UBE4A: variants seen among roughly 807,000 people sequenced by gnomAD.
The protein encoded by UBE4A is ubiquitination factor E4A.
Under a neutral mutation model 117.9 loss-of-function variants are expected in UBE4A, and 48 were observed. The ratio of observed to expected loss-of-function variants is 0.41; its 90% confidence interval spans 0.32 to 0.52. The LOEUF (loss-of-function observed/expected upper bound fraction) is 0.52, where lower values mean the gene tolerates loss of function less well. Among genes scored for constraint, UBE4A ranks in the 20% least tolerant of loss-of-function variants. UBE4A has a pLI of 0.33. For missense variants in UBE4A, 1,067 were observed against 1,296.3 expected (o/e 0.82, Z 2.72); for synonymous variants, 407 against 450.0 (o/e 0.90, Z 1.21).
chr11:118,372,247 T>A (rs1948615644), intron 5 of UBE4A, among the ~76,000 whole-genome samples: 1 of 152,154 alleles, frequency 6.6e-6, no homozygotes, highest in African/African-American at 2.4e-5. Flanking sequence ...AGAGCGAGAC[T>A]CTGTCTCAAA....
chr11:118,368,513 G>T, intron 2 of UBE4A, 118 bp from the exon 3 acceptor site: 1 of 1,179,374 alleles, frequency 8.5e-7, no homozygotes, highest in South Asian at 1.5e-5. Context: ...CTAATTAGAT[G>T]ATTAGCTTGT....
chr11:118,366,688 G>A (rs1354838619), intron 2 of UBE4A, among the ~76,000 whole-genome samples: 1 of 152,220 alleles, frequency 6.6e-6, no homozygotes, highest in Admixed American at 6.5e-5. Flanking sequence ...TGGACTTTCA[G>A]ACTAGCCATT....
intron 18 of UBE4A, among the ~76,000 whole-genome samples, chr11:118,391,366 G>A (rs896085105): frequency 6.6e-6 from 1 of 151,774 alleles, no homozygotes; most frequent in African/African-American, 2.4e-5. Flanking sequence ...GCAGGCGCCT[G>A]TAATCCCAGC....
Position 118,373,210 on chromosome 11 carries a change from T to C in UBE4A, c.846T>C (p.Asp282=). The C allele has an allele frequency of 6.2e-7, 1 of 1,613,960 alleles. No individual in the cohort carries two copies. The highest frequency in any genetic ancestry group is 8.5e-7 in the Non-Finnish European group (1 of 1,180,024). ...ATATTTTATTGGGCCGAATAAAAGA[T>C]CTAGAGCTCTGTCAGATCCTTTTGT... is the stretch of plus-strand genomic sequence containing the variant. ...VFDILLGRIK[D]LELCQILLYA... The change falls in exon 7 of 20, where the codon GAT becomes GAC. Residue 282 remains aspartate (D), a synonymous_variant. Transcript: ENST00000252108.
chr11:118,389,716 C>CT lies in UBE4A; in HGVS notation c.2588-5dup. On this transcript the variant is annotated splice_polypyrimidine_tract_variant and intron_variant, in intron 16 of 19. Transcript: ENST00000252108. Reference sequence around the variant, plus strand: ...ATTGAGTTTTCAGAGACTTTGGATTCTTTTCCAGAGATCAAGTCACTCTTT... The same window carrying CT: ...ATTGAGTTTTCAGAGACTTTGGATTCTTTTTCCAGAGATCAAGTCACTCTTT... The CT allele has an allele frequency of 6.3e-7, 1 of 1,579,804 alleles. No homozygotes were observed. Among genetic ancestry groups the CT allele is most frequent in the Non-Finnish European group, 8.7e-7 (1 of 1,154,722 alleles).
At chr11:118,366,185 G>A (rs1948561489) in intron 2 of UBE4A, among the ~76,000 whole-genome samples, 1 of 151,986 alleles carries the variant, frequency 6.6e-6, no homozygotes, top group Non-Finnish European at 1.5e-5. Flanking sequence ...CAAAATCAAT[G>A]TTGATTTTTT....
At chr11:118,364,888 T>G (rs535617363) in intron 1 of UBE4A, among the ~76,000 whole-genome samples, 152 bp from the exon 2 acceptor site, 2 of 152,046 alleles carry the variant, frequency 1.3e-5, no homozygotes, top group Non-Finnish European at 2.9e-5. Context: ...TTGCCAAAAA[T>G]GTCTTGAGTT....
intron 11 of UBE4A, among the ~76,000 whole-genome samples, 177 bp from the exon 12 acceptor site, chr11:118,381,214 T>C (rs1555126272): frequency 6.6e-6 from 1 of 152,222 alleles, no homozygotes; most frequent in African/African-American, 2.4e-5. Flanking sequence ...AAATTTAAAT[T>C]GACTTACATT....
At chr11:118,370,196 C>A (rs1204690307) in intron 4 of UBE4A, among the ~76,000 whole-genome samples, 2 of 152,158 alleles carry the variant, frequency 1.3e-5, no homozygotes, top group Admixed American at 6.5e-5. Flanking sequence ...TGGGAATTGT[C>A]ACTTTCTGTC....
At chr11:118,375,256 C>CTGTGTGTG (rs61368823) in intron 9 of UBE4A, 27 bp downstream of exon 9, 46,456 of 1,474,646 alleles carry the variant, frequency 0.032, 239 homozygotes, top group Non-Finnish European at 0.035. Flanking sequence ...CTTCTCAAAA[C>CTGTGTGTG]TGTGTGTGTG....
intron 6 of UBE4A, 27 bp downstream of exon 6, chr11:118,372,693 C>T (rs1565531405): frequency 6.2e-7 from 1 of 1,604,892 alleles, no homozygotes; most frequent in South Asian, 1.1e-5. Context: ...GATCTGTAAG[C>T]TTCTACATTT....
Position 118,399,107 on chromosome 11 carries a change from A to G in UBE4A, c.*2667A>G, listed in dbSNP as rs1274113479. 2.2e-6 allele frequency: 1 copy of G among 455,146 alleles called. No homozygotes were observed. Among genetic ancestry groups the G allele is most frequent in the Non-Finnish European group, 4.4e-6 (1 of 226,188 alleles). 28.2% of individuals were successfully genotyped at this position (455,146 alleles called of 1,614,324 possible). ...GGTTGATTGAAATAAAACTTGATCA[A>G]CGCGACTGTATTTTGAAACATTCCA... On this transcript the variant is annotated 3_prime_UTR_variant, in exon 20 of 20. Coordinates refer to ENST00000252108, the MANE Select transcript of UBE4A (RefSeq NM_001204077.2).
chr11:118,363,606 CTTTTTTTTTTTT>C (rs199847839), intron 1 of UBE4A, among the ~76,000 whole-genome samples: 1 of 122,848 alleles, frequency 8.1e-6, no homozygotes, highest in Non-Finnish European at 1.7e-5. Context: ...ACCACATTAG[CTTTTTTTTTTTT>C]TTTTTTTTTT....
chr11:118,371,766 T>TC (rs1275195530), intron 5 of UBE4A, 100 bp downstream of exon 5: 1 of 1,272,466 alleles, frequency 7.9e-7, no homozygotes, highest in Non-Finnish European at 1.1e-6. Context: ...TTTATATATG[T>TC]CATAGTATGT....
intron 10 of UBE4A, among the ~76,000 whole-genome samples, chr11:118,378,234 G>A (rs1265587756): frequency 1.3e-5 from 2 of 149,828 alleles, no homozygotes; most frequent in East Asian, 2.0e-4. Context: ...GCGACAGGGC[G>A]AGAATCTGTC....
chr11:118,362,364 T>C (rs1948527146), intron 1 of UBE4A, among the ~76,000 whole-genome samples: 1 of 152,156 alleles, frequency 6.6e-6, no homozygotes, highest in East Asian at 1.9e-4. Context: ...GACCTCATGA[T>C]CTGCCCGCCT....
intron 7 of UBE4A, 66 bp from the exon 8 acceptor site, chr11:118,373,428 G>A: frequency 6.5e-7 from 1 of 1,542,960 alleles, no homozygotes; most frequent in Non-Finnish European, 8.8e-7. Context: ...CTGTTTTGAG[G>A]CCCTCCCACC....
At chr11:118,378,191 G>A (rs1418527061) in intron 10 of UBE4A, among the ~76,000 whole-genome samples, 2 of 151,600 alleles carry the variant, frequency 1.3e-5, no homozygotes, top group Non-Finnish European at 2.9e-5. Context: ...AGGTTGCAGT[G>A]AGCCGAGATG....
chr11:118,372,521 A>T lies in UBE4A; in HGVS notation c.576A>T (p.Pro192=). ...GCTGTTTGCAGATTACCAAAGTTCCAGAGAACCTGCTACCCTTTGCAGTGC... is the reference window on the plus strand; with the variant it reads ...GCTGTTTGCAGATTACCAAAGTTCCTGAGAACCTGCTACCCTTTGCAGTGC... ...QRAKEEITKV[P]ENLLPFAVQC... Residue 192 remains proline, a synonymous_variant, in exon 6 of 20, where the codon CCA becomes CCT. Transcript: ENST00000252108. 6.2e-7 allele frequency: 1 copy of T among 1,601,542 alleles called. No individual in the cohort carries two copies. The highest frequency in any genetic ancestry group is 8.5e-7 in the Non-Finnish European group (1 of 1,176,908).
Sources: gnomAD v4.1 joint callset for allele counts (sites outside exome capture counted in the v4.1 genomes callset) on GRCh38, gnomAD v4.1.1 for gene constraint, MANE v1.5 for transcripts, NCBI Gene and HGNC (gene_info 2026-07-23, HGNC 2026-07-21) for gene names.